The following ADGRL2 variants were observed in gnomAD, a reference collection of about 807,000 sequenced individuals.
ADGRL2 encodes the protein calcium-independent alpha-latrotoxin receptor 2.
A neutral mutation model predicts 157.4 loss-of-function variants in ADGRL2; 44 were observed. The observed-to-expected ratio is 0.28, with a 90% CI of 0.22 to 0.36. ADGRL2 has a LOEUF of 0.36. ADGRL2 is among the 10% of genes least tolerant of loss of function. The pLI, the probability that ADGRL2 is intolerant of heterozygous loss-of-function variation, is 1.00. For synonymous variants in ADGRL2, 585 were observed against 624.7 expected (o/e 0.94, Z 0.95); for missense variants, 1,510 against 1,768.9 (o/e 0.85, Z 2.63).
intron 1 of ADGRL2, among the ~76,000 whole-genome samples, chr1:81,354,032 A>G (rs1035293461): frequency 6.6e-6 from 1 of 152,218 alleles, no homozygotes; most frequent in Non-Finnish European, 1.5e-5. Context: ...AGGGAGAGTA[A>G]CAGCACCAAA....
At chr1:81,413,813 T>C (rs1008380186) in intron 1 of ADGRL2, among the ~76,000 whole-genome samples, 1 of 152,142 alleles carries the variant, frequency 6.6e-6, no homozygotes, top group African/African-American at 2.4e-5. Context: ...TCTATCTCTG[T>C]ATATACACAC....
intron 2 of ADGRL2, among the ~76,000 whole-genome samples, chr1:81,764,713 T>C (rs193100640): frequency 1.7e-3 from 264 of 152,258 alleles, no homozygotes; most frequent in African/African-American, 6.1e-3. Flanking sequence ...TTCAGTAAGA[T>C]ACATCATATA....
At chr1:81,383,791 C>A in intron 1 of ADGRL2, among the ~76,000 whole-genome samples, 1 of 127,892 alleles carries the variant, frequency 7.8e-6, no homozygotes, top group African/African-American at 2.9e-5. Flanking sequence ...GGTGAACTCC[C>A]ATCTCTACTA....
chr1:81,989,840 T>C, intron 23 of ADGRL2: 1 of 1,403,092 alleles, frequency 7.1e-7, no homozygotes, highest in Non-Finnish European at 9.3e-7. Context: ...TCATTCTTTT[T>C]TTTACTTCAT....
chr1:81,692,792 T>C (rs2083369387), intron 3 of ADGRL2, among the ~76,000 whole-genome samples: 1 of 152,192 alleles, frequency 6.6e-6, no homozygotes, highest in Non-Finnish European at 1.5e-5. Context: ...TTCAATTAGA[T>C]GTCAATAGTT....
intron 3 of ADGRL2, among the ~76,000 whole-genome samples, chr1:81,584,717 A>C (rs1367714838): frequency 1.3e-5 from 2 of 152,176 alleles, no homozygotes; most frequent in Non-Finnish European, 2.9e-5. Flanking sequence ...CACAGTTGGC[A>C]ATACAAATTC....
At chr1:81,879,012 T>C (rs1316704742) in intron 2 of ADGRL2, among the ~76,000 whole-genome samples, 2 of 152,200 alleles carry the variant, frequency 1.3e-5, no homozygotes, top group Non-Finnish European at 2.9e-5. Context: ...TAAACAAATA[T>C]GTTAGCCTAG....
chr1:81,776,902 A>T (rs1384968205), intron 2 of ADGRL2, among the ~76,000 whole-genome samples: 1 of 152,188 alleles, frequency 6.6e-6, no homozygotes, highest in Non-Finnish European at 1.5e-5. Context: ...CCTACTTCTT[A>T]GGCTTATTGC....
At chr1:81,942,900 C>A in intron 5 of ADGRL2, 69 bp from the exon 6 acceptor site, 1 of 1,115,960 alleles carries the variant, frequency 9.0e-7, no homozygotes, top group African/African-American at 1.6e-5. Flanking sequence ...GATTTGTGAT[C>A]ACTGAAACTT....
chr1:81,437,745 T>G (rs954245332), intron 1 of ADGRL2, among the ~76,000 whole-genome samples: 3 of 152,226 alleles, frequency 2.0e-5, no homozygotes, highest in Non-Finnish European at 4.4e-5. Flanking sequence ...TAAGCTGTTT[T>G]CATTTGCATG....
intron 1 of ADGRL2, among the ~76,000 whole-genome samples, chr1:81,833,053 GTGTT>G (rs746785742): frequency 6.6e-5 from 10 of 152,130 alleles, no homozygotes; most frequent in Admixed American, 3.3e-4. Flanking sequence ...ATCCTTTTTT[GTGTT>G]TGTTTGTTTT....
chr1:81,715,956 G>C (rs1454445930), intron 1 of ADGRL2, among the ~76,000 whole-genome samples: 1 of 152,136 alleles, frequency 6.6e-6, no homozygotes, highest in East Asian at 1.9e-4. Flanking sequence ...GGGATGGTTT[G>C]CCTCTTCAAA....
At chr1:81,788,498 A>G (rs1365193145) in intron 2 of ADGRL2, among the ~76,000 whole-genome samples, 1 of 152,218 alleles carries the variant, frequency 6.6e-6, no homozygotes, top group African/African-American at 2.4e-5. Flanking sequence ...AGATGCCAGC[A>G]TCAAGCTTCC....
At chr1:81,453,735 C>G (rs2077746213) in intron 2 of ADGRL2, among the ~76,000 whole-genome samples, 1 of 152,088 alleles carries the variant, frequency 6.6e-6, no homozygotes, top group Non-Finnish European at 1.5e-5. Context: ...GATAAAAAGT[C>G]TTAGGGAATC....
At chr1:81,884,719 C>A (rs2094083604) in intron 2 of ADGRL2, among the ~76,000 whole-genome samples, 1 of 152,068 alleles carries the variant, frequency 6.6e-6, no homozygotes, top group Non-Finnish European at 1.5e-5. Flanking sequence ...GAATGTGACC[C>A]CATACTGAGT....
intron 2 of ADGRL2, among the ~76,000 whole-genome samples, chr1:81,528,759 C>A (rs76387777): frequency 2.1e-3 from 317 of 150,980 alleles, no homozygotes; most frequent in Non-Finnish European, 4.1e-3. Flanking sequence ...CAATAAACAT[C>A]TATTGATTGC....
chr1:81,426,945 A>T, intron 1 of ADGRL2: 2 of 725,716 alleles, frequency 2.8e-6, no homozygotes, highest in Non-Finnish European at 5.0e-6. Flanking sequence ...CAGAGTGAAA[A>T]AAAGGAAGGA....
At chr1:81,382,986 G>A (rs541336888) in intron 1 of ADGRL2, among the ~76,000 whole-genome samples, 16 of 152,168 alleles carry the variant, frequency 1.1e-4, no homozygotes, top group African/African-American at 3.4e-4. Context: ...TTGTCCATGC[G>A]TTCATTCAGA....
chr1:81,567,489 G>A (rs1041333756), intron 2 of ADGRL2, among the ~76,000 whole-genome samples: 15 of 151,980 alleles, frequency 9.9e-5, no homozygotes, highest in African/African-American at 2.2e-4. Context: ...GTACTTATCC[G>A]GAATGCTGAA....
Sources: allele counts gnomAD v4.1 joint callset (sites outside exome capture counted in the v4.1 genomes callset), GRCh38; gene constraint gnomAD v4.1.1; transcripts MANE v1.5; gene names NCBI Gene and HGNC (gene_info 2026-07-23, HGNC 2026-07-21).